Variants in FRK observed in about 807,000 individuals in gnomAD.
The protein encoded by FRK is fyn related Src family tyrosine kinase.
A neutral mutation model predicts 56.4 loss-of-function variants in FRK; 51 were observed. The observed-to-expected ratio is 0.90, with a 90% confidence interval of 0.72 to 1.14. The LOEUF (loss-of-function observed/expected upper bound fraction) is 1.14, where lower values mean the gene tolerates loss of function less well. FRK is among the 50% of genes most tolerant of loss of function. The pLI, the probability that FRK is intolerant of heterozygous loss-of-function variation, is 0.00. For missense variants in FRK, 570 were observed against 601.4 expected, an observed-to-expected ratio of 0.95 and a Z score of 0.55; for synonymous variants, 245 against 217.9, an observed-to-expected ratio of 1.12 and a Z score of -1.10.
intron 1 of FRK, among the ~76,000 whole-genome samples, chr6:116,038,425 A>G (rs929778227): frequency 6.6e-6 from 1 of 152,128 alleles, no homozygotes; most frequent in African/African-American, 2.4e-5. Context: ...AAAAGAATTC[A>G]AAAAAAGAGA....
chr6:115,937,113 C>A lies in FRK; in HGVS notation c.*5301G>T, dbSNP rs1191384541. ...TAGCCACAAAGGGAAGCCCATCAGA[C>A]TAACAGAGGATCTCTCTGCAGACAC... On this transcript the variant is annotated 3_prime_UTR_variant, in exon 8 of 8. Coordinates refer to ENST00000606080, the MANE Select transcript of FRK (RefSeq NM_002031.3). The A allele has an allele frequency of 2.0e-5, 3 of 152,200 alleles. No individual in the cohort carries two copies. Among genetic ancestry groups the A allele is most frequent in the African/African-American group, 7.2e-5 (3 of 41,438 alleles). 9.4% of individuals were successfully genotyped at this position (152,200 alleles called of 1,614,324 possible). A position where few individuals can be genotyped will look rare whatever the true frequency, so the allele number is the denominator to read the frequency against.
At chr6:116,017,673 T>C (rs1379801401) in intron 1 of FRK, among the ~76,000 whole-genome samples, 3 of 152,180 alleles carry the variant, frequency 2.0e-5, no homozygotes, top group African/African-American at 7.2e-5. Flanking sequence ...AGGCAAATAG[T>C]CTAAGAAGGT....
chr6:116,091,709 G>C, the FRK span, among the ~76,000 whole-genome samples: 21 of 152,292 alleles, frequency 1.4e-4, no homozygotes, highest in East Asian at 3.1e-3. Flanking sequence ...GACTAGTGTG[G>C]CCGTCAGACT....
the FRK span, among the ~76,000 whole-genome samples, chr6:116,089,645 T>C: frequency 6.6e-6 from 1 of 152,202 alleles, no homozygotes; most frequent in Non-Finnish European, 1.5e-5. Context: ...CACTCTTTGT[T>C]TGTGCATCTC....
At chr6:115,971,091 T>C (rs773142444) in intron 2 of FRK, among the ~76,000 whole-genome samples, 6 of 152,194 alleles carry the variant, frequency 3.9e-5, no homozygotes, top group Non-Finnish European at 7.3e-5. Context: ...TTATTATGTG[T>C]ATCACACTTC....
At chr6:116,053,163 A>C (rs1416310509) in intron 1 of FRK, among the ~76,000 whole-genome samples, 1 of 152,166 alleles carries the variant, frequency 6.6e-6, no homozygotes, top group Non-Finnish European at 1.5e-5. Flanking sequence ...CTAGGTCAAA[A>C]AGGGTAACCA....
chr6:115,970,761 A>G (rs1211146965), intron 2 of FRK, among the ~76,000 whole-genome samples: 1 of 152,136 alleles, frequency 6.6e-6, no homozygotes, highest in East Asian at 1.9e-4. Context: ...AATTGTTTTT[A>G]AATTAGCCAG....
chr6:116,056,456 A>T (rs947098379), intron 1 of FRK, among the ~76,000 whole-genome samples: 2 of 152,162 alleles, frequency 1.3e-5, no homozygotes, highest in Non-Finnish European at 1.5e-5. Flanking sequence ...TCCTGGACAC[A>T]GGTGATCCTC....
chr6:116,003,885 G>C lies in FRK; in HGVS notation c.458C>G (p.Ser153Cys), dbSNP rs769224017. The change falls in exon 2 of 8, where the codon TCT becomes TGT. Residue 153 changes from serine (S) to cysteine (C), a missense_variant. Physicochemically the swap from Ser to Cys is moderately radical, Grantham distance 112. Transcript: ENST00000606080. ...CAAAACAATACCCTTACCTGAAAGAGAGAATTCTCCTTTTTGGCTTTCACT... is the reference window on the plus strand; with the variant it reads ...CAAAACAATACCCTTACCTGAAAGACAGAATTCTCCTTTTTGGCTTTCACT... ...RESESQKGEFSLSVLDGAVVK... is the reference protein window; with the variant it reads ...RESESQKGEFCLSVLDGAVVK... The C allele has an allele frequency of 1.5e-5, 25 of 1,613,510 alleles. No individual in the cohort carries two copies. Among genetic ancestry groups the C allele is most frequent in the Non-Finnish European group, 1.9e-5 (23 of 1,179,830 alleles).
intron 1 of FRK, among the ~76,000 whole-genome samples, chr6:116,027,795 A>G (rs1171416347): frequency 6.6e-6 from 1 of 152,044 alleles, no homozygotes; most frequent in Non-Finnish European, 1.5e-5. Flanking sequence ...ATTATAAAAG[A>G]CATTAAAAGA....
chr6:116,095,870 C>T, the FRK span, among the ~76,000 whole-genome samples: 1 of 152,030 alleles, frequency 6.6e-6, no homozygotes, highest in African/African-American at 2.4e-5. Context: ...TTTACACTAA[C>T]CAGTCAGGGA....
At chr6:116,050,259 C>G (rs1320414304) in intron 1 of FRK, among the ~76,000 whole-genome samples, 1 of 152,140 alleles carries the variant, frequency 6.6e-6, no homozygotes, top group Non-Finnish European at 1.5e-5. Flanking sequence ...ATTCCATAAT[C>G]AAGTCTCAAC....
intron 1 of FRK, among the ~76,000 whole-genome samples, chr6:116,051,342 T>C (rs576110601): frequency 2.6e-5 from 4 of 152,204 alleles, no homozygotes; most frequent in African/African-American, 9.6e-5. Flanking sequence ...TAAAAATACG[T>C]TAATAAAAAC....
Position 115,943,177 on chromosome 6 carries a change from A to ATG in FRK, c.1148_1149insCA (p.Glu384MetfsTer11). On this transcript the variant is annotated frameshift_variant, in exon 7 of 8. Transcript: ENST00000606080. LOFTEE classifies it high-confidence loss of function. ...CGTGTCTAGATTCATAGATGTCTTC[A>ATG]TTATCTACCTGTTCATGTATTAAGG... 1 of 1,607,060 alleles carries ATG rather than the reference A, an allele frequency of 6.2e-7. No individual in the cohort carries two copies. Among genetic ancestry groups the ATG allele is most frequent in the Non-Finnish European group, 8.5e-7 (1 of 1,177,452 alleles).
chr6:116,000,512 G>C (rs1387161849), intron 2 of FRK, among the ~76,000 whole-genome samples: 1 of 151,630 alleles, frequency 6.6e-6, no homozygotes, highest in Non-Finnish European at 1.5e-5. Flanking sequence ...CAAAGTGCTG[G>C]GATTACTTAC....
chr6:116,076,722 G>A, the FRK span, among the ~76,000 whole-genome samples: 1 of 152,162 alleles, frequency 6.6e-6, no homozygotes, highest in Non-Finnish European at 1.5e-5. Context: ...GACTAAGGTG[G>A]TGCAGTGAGC....
intron 1 of FRK, among the ~76,000 whole-genome samples, chr6:116,051,644 T>C (rs1475335846): frequency 6.6e-6 from 1 of 152,174 alleles, no homozygotes; most frequent in Non-Finnish European, 1.5e-5. Flanking sequence ...TAAGGAACCC[T>C]GCAATATCGT....
At chr6:115,956,323 G>A (rs1315137088) in intron 5 of FRK, 129 bp downstream of exon 5, 4 of 523,592 alleles carry the variant, frequency 7.6e-6, no homozygotes, top group Non-Finnish European at 1.3e-5. Context: ...TCAGTGTTAA[G>A]ACATTCATTC....
chr6:115,986,557 G>A (rs954533944), intron 2 of FRK, among the ~76,000 whole-genome samples: 18 of 152,108 alleles, frequency 1.2e-4, no homozygotes, highest in Non-Finnish European at 2.5e-4. Context: ...ATGTTAGCAC[G>A]GATGAGTAAC....
Sources: gnomAD v4.1 joint callset for allele counts (sites outside exome capture counted in the v4.1 genomes callset) on GRCh38, gnomAD v4.1.1 for gene constraint, MANE v1.5 for transcripts, NCBI Gene and HGNC (gene_info 2026-07-23, HGNC 2026-07-21) for gene names.